Variants in NHSL3 observed in about 807,000 individuals in gnomAD.
NHSL3 encodes NHS-like protein 3.
At chr1:32,755,274 T>G in the NHSL3 span, among the ~76,000 whole-genome samples, 41 of 152,204 alleles carry the variant, frequency 2.7e-4, no homozygotes, top group Non-Finnish European at 5.0e-4. Flanking sequence ...GCAGGCACTT[T>G]AGCGATACCT....
the NHSL3 span, among the ~76,000 whole-genome samples, chr1:32,766,987 G>A: frequency 3.9e-5 from 6 of 152,128 alleles, no homozygotes; most frequent in Non-Finnish European, 5.9e-5. Flanking sequence ...GCGGGTGGAG[G>A]GGCCTGGGTC....
chr1:32,769,904 C>G, the NHSL3 span: 1 of 1,608,682 alleles, frequency 6.2e-7, no homozygotes. Context: ...CGTGAGGCAC[C>G]AGGCACGCCC....
At chr1:32,767,833 C>T in the NHSL3 span, 2 of 1,613,638 alleles carry the variant, frequency 1.2e-6, no homozygotes, top group Admixed American at 3.3e-5. Context: ...TAGGGCCTGG[C>T]CAGGGGCCAG....
chr1:32,766,882 G>A, the NHSL3 span, among the ~76,000 whole-genome samples: 2 of 152,176 alleles, frequency 1.3e-5, no homozygotes, highest in Non-Finnish European at 2.9e-5. Context: ...TGGATCCCTG[G>A]CTCCTCTGCA....
the NHSL3 span, chr1:32,742,273 G>T: frequency 8.4e-7 from 1 of 1,190,900 alleles, no homozygotes; most frequent in South Asian, 3.8e-5. Context: ...CGCGCGCGGC[G>T]TGTTGGAGGG....
At chr1:32,765,796 C>G in the NHSL3 span, 1 of 1,547,824 alleles carries the variant, frequency 6.5e-7, no homozygotes, top group Non-Finnish European at 8.7e-7. Flanking sequence ...GCCGCCGCCT[C>G]CCGGCGCTCC....
At chr1:32,744,342 C>T in the NHSL3 span, among the ~76,000 whole-genome samples, 1 of 152,174 alleles carries the variant, frequency 6.6e-6, no homozygotes, top group African/African-American at 2.4e-5. Flanking sequence ...CCTCACTACC[C>T]TGCACAAACT....
At chr1:32,762,809 C>T in the NHSL3 span, among the ~76,000 whole-genome samples, 3 of 152,066 alleles carry the variant, frequency 2.0e-5, no homozygotes, top group East Asian at 5.8e-4. Context: ...AGGCTGGTCT[C>T]AAACTCCTGA....
the NHSL3 span, among the ~76,000 whole-genome samples, chr1:32,742,438 C>T: frequency 1.3e-5 from 2 of 152,254 alleles, no homozygotes; most frequent in African/African-American, 4.8e-5. Context: ...CCTGGCAGAG[C>T]AGGAAGTGCT....
chr1:32,742,807 C>G, the NHSL3 span, among the ~76,000 whole-genome samples: 2 of 152,204 alleles, frequency 1.3e-5, no homozygotes, highest in Non-Finnish European at 2.9e-5. Flanking sequence ...CCAAGGTGAA[C>G]CAACCCGCCC....
the NHSL3 span, among the ~76,000 whole-genome samples, chr1:32,752,595 G>C: frequency 6.6e-6 from 1 of 152,078 alleles, no homozygotes; most frequent in East Asian, 1.9e-4. Flanking sequence ...TCTTCTCTCT[G>C]TTTTTAATTT....
chr1:32,771,887 TG>T, the NHSL3 span: 1 of 1,590,760 alleles, frequency 6.3e-7, no homozygotes, highest in South Asian at 1.1e-5. Context: ...ACCCCAGCAC[TG>T]GGGCCATCGG....
the NHSL3 span, chr1:32,771,801 A>G: frequency 1.9e-6 from 3 of 1,613,082 alleles, no homozygotes; most frequent in Non-Finnish European, 2.5e-6. Context: ...GGGAGGACGT[A>G]GGTGCGCCCC....
chr1:32,749,753 T>A, the NHSL3 span, among the ~76,000 whole-genome samples: 1 of 151,984 alleles, frequency 6.6e-6, no homozygotes, highest in Non-Finnish European at 1.5e-5. Context: ...CTTCCAGCTC[T>A]CTCTCCCTCA....
the NHSL3 span, among the ~76,000 whole-genome samples, chr1:32,757,178 T>G: frequency 6.6e-6 from 1 of 152,106 alleles, no homozygotes; most frequent in Non-Finnish European, 1.5e-5. Flanking sequence ...CAAGTGCCAG[T>G]ATAAGTACTC....
the NHSL3 span, chr1:32,768,938 A>G: frequency 5.6e-6 from 5 of 899,026 alleles, no homozygotes; most frequent in South Asian, 2.0e-5. Flanking sequence ...CACACTAACT[A>G]TAAAGCAGTT....
the NHSL3 span, among the ~76,000 whole-genome samples, chr1:32,751,880 A>G: frequency 6.6e-6 from 1 of 152,150 alleles, no homozygotes; most frequent in African/African-American, 2.4e-5. Flanking sequence ...AGCTCCTCCA[A>G]CGCTTCTTGT....
the NHSL3 span, among the ~76,000 whole-genome samples, chr1:32,763,846 T>TTA: frequency 2.6e-5 from 4 of 152,148 alleles, no homozygotes; most frequent in Non-Finnish European, 5.9e-5. Context: ...AGTGCTGGGA[T>TTA]TACAGGTGTG....
At chr1:32,742,332 G>T in the NHSL3 span, 1 of 807,278 alleles carries the variant, frequency 1.2e-6, no homozygotes, top group Non-Finnish European at 1.7e-6. Context: ...CCAGGGCTGA[G>T]TCCGAACACT....
Sources: gnomAD v4.1 joint callset for allele counts (sites outside exome capture counted in the v4.1 genomes callset) on GRCh38, gnomAD v4.1.1 for gene constraint, MANE v1.5 for transcripts, NCBI Gene and HGNC (gene_info 2026-07-23, HGNC 2026-07-21) for gene names.